Variants in SNTB1 observed in about 807,000 individuals in gnomAD.
SNTB1 encodes the protein syntrophin beta 1, also known as beta-1-syntrophin.
Under a neutral mutation model 48.9 loss-of-function variants are expected in SNTB1, and 36 were observed. That is an observed-to-expected ratio of 0.74 (90% confidence interval 0.56 to 0.97). The LOEUF (loss-of-function observed/expected upper bound fraction) is 0.97, where lower values mean the gene tolerates loss of function less well. Ranked by LOEUF, SNTB1 falls within the 50% of genes least tolerant of loss-of-function variation. SNTB1 has a pLI of 0.00. For missense variants in SNTB1, 786 were observed against 703.4 expected (o/e 1.12, Z -1.33); for synonymous variants, 299 against 294.6 (o/e 1.01, Z -0.15).
At chr8:120,770,885 T>C (rs1269861013) in intron 1 of SNTB1, among the ~76,000 whole-genome samples, 1 of 152,250 alleles carries the variant, frequency 6.6e-6, no homozygotes, top group East Asian at 1.9e-4. Context: ...GTGCTTATTT[T>C]CTTATGCAGT....
intron 1 of SNTB1, among the ~76,000 whole-genome samples, chr8:120,728,766 G>T (rs1044199687): frequency 1.3e-5 from 2 of 152,144 alleles, no homozygotes; most frequent in Non-Finnish European, 2.9e-5. Context: ...TTGATTCCAT[G>T]TCTTAGTTAT....
At chr8:120,707,832 T>A (rs376368326) in intron 1 of SNTB1, among the ~76,000 whole-genome samples, 1 of 152,132 alleles carries the variant, frequency 6.6e-6, no homozygotes, top group East Asian at 1.9e-4. Context: ...AGACATGAGC[T>A]AGATTATTGC....
intron 1 of SNTB1, among the ~76,000 whole-genome samples, chr8:120,742,500 C>T (rs1479558896): frequency 6.6e-6 from 1 of 152,186 alleles, no homozygotes; most frequent in Non-Finnish European, 1.5e-5. Flanking sequence ...GATCGAGTCA[C>T]AGGATGGCAC....
intron 2 of SNTB1, among the ~76,000 whole-genome samples, chr8:120,655,663 A>G (rs1192478679): frequency 2.6e-5 from 4 of 152,218 alleles, no homozygotes; most frequent in Non-Finnish European, 5.9e-5. Flanking sequence ...AACATATTTT[A>G]TGTTGGTTGC....
At chr8:120,666,049 T>C (rs1817668271) in intron 2 of SNTB1, among the ~76,000 whole-genome samples, 1 of 152,204 alleles carries the variant, frequency 6.6e-6, no homozygotes, top group Non-Finnish European at 1.5e-5. Flanking sequence ...CTGAGTCCCT[T>C]GTATTTCTAT....
intron 2 of SNTB1, among the ~76,000 whole-genome samples, chr8:120,666,061 T>G (rs1817668467): frequency 1.3e-5 from 2 of 152,236 alleles, no homozygotes; most frequent in South Asian, 4.1e-4. Flanking sequence ...TATTTCTATA[T>G]GAATTTTAGA....
In SNTB1 at chr8:120,632,600, G is replaced by C; in HGVS notation, c.840C>G (p.Ser280Arg). 6.2e-7 allele frequency: 1 copy of C among 1,614,140 alleles called. No individual in the cohort carries two copies. The highest frequency in any genetic ancestry group is 1.3e-5 in the African/African-American group (1 of 75,026). ...ATGCCTGGGCCGTGGCTGAGTCCTT[G>C]CTCCTTAGGATCACCGTGTGCTTAG... ...PDAKHTVILR[S>R]KDSATAQAWF... The change falls in exon 3 of 7, where the codon AGC becomes AGG. Residue 280 changes from serine (S) to arginine (R), a missense_variant. Transcript: ENST00000517992.
chr8:120,547,275 A>G (rs995581349), intron 5 of SNTB1, among the ~76,000 whole-genome samples: 6 of 152,182 alleles, frequency 3.9e-5, no homozygotes, highest in Non-Finnish European at 7.3e-5. Flanking sequence ...GCCTGAATCA[A>G]TTAATTGATT....
rs1041211512 is a variant in SNTB1, at chr8:120,617,997, AT to A, written c.996+14446del. On this transcript the variant is annotated intron_variant, in intron 3 of 6. Coordinates refer to ENST00000517992, the MANE Select transcript of SNTB1 (RefSeq NM_021021.4). ...CCTGAATATATGTATATATATATAT[AT>A]TTAGTGCTCTAGCCACCTAAGATTA... Among the ~76,000 whole-genome samples, 263 of 152,268 alleles carry A rather than the reference AT, an allele frequency of 1.7e-3. 2 individuals carry two copies. Among genetic ancestry groups the A allele is most frequent in the African/African-American group, 6.1e-3 (255 of 41,544 alleles).
chr8:120,692,703 A>G (rs1329054136), intron 2 of SNTB1, among the ~76,000 whole-genome samples: 1 of 152,198 alleles, frequency 6.6e-6, no homozygotes, highest in Non-Finnish European at 1.5e-5. Flanking sequence ...TCTTGAGCAT[A>G]AAGAGATGCT....
At chr8:120,722,135 T>A (rs1028572029) in intron 1 of SNTB1, among the ~76,000 whole-genome samples, 2 of 152,210 alleles carry the variant, frequency 1.3e-5, no homozygotes, top group Non-Finnish European at 2.9e-5. Context: ...ATCCAGTCTA[T>A]CATTGCTGGA....
At chr8:120,665,212 G>C (rs573923567) in intron 2 of SNTB1, among the ~76,000 whole-genome samples, 58 of 152,158 alleles carry the variant, frequency 3.8e-4, no homozygotes, top group Non-Finnish European at 6.0e-4. Context: ...AGTGCTTTGG[G>C]AGGCCGAGGT....
chr8:120,587,715 G>T (rs556536822), intron 3 of SNTB1, among the ~76,000 whole-genome samples: 3 of 152,156 alleles, frequency 2.0e-5, no homozygotes, highest in Non-Finnish European at 4.4e-5. Flanking sequence ...GACCTTCTTC[G>T]CTCACCCATG....
At chr8:120,683,387 G>A (rs533971615) in intron 2 of SNTB1, among the ~76,000 whole-genome samples, 1 of 151,756 alleles carries the variant, frequency 6.6e-6, no homozygotes, top group South Asian at 2.1e-4. Context: ...GGGTTTTCTA[G>A]ATAAAGTATA....
intron 3 of SNTB1, among the ~76,000 whole-genome samples, chr8:120,598,986 T>G (rs1420214353): frequency 6.6e-6 from 1 of 152,206 alleles, no homozygotes; most frequent in Non-Finnish European, 1.5e-5. Flanking sequence ...TATGTCTGCA[T>G]GGCAAGGTCT....
At chr8:120,587,090 G>A (rs1816156034) in intron 3 of SNTB1, among the ~76,000 whole-genome samples, 1 of 152,102 alleles carries the variant, frequency 6.6e-6, no homozygotes, top group Admixed American at 6.5e-5. Flanking sequence ...GCGTGGTAGC[G>A]CGTGCCTGTA....
At chr8:120,571,750 C>A (rs529310331) in intron 4 of SNTB1, among the ~76,000 whole-genome samples, 1 of 152,000 alleles carries the variant, frequency 6.6e-6, no homozygotes, top group Non-Finnish European at 1.5e-5. Flanking sequence ...CTGCCCTCCT[C>A]GGCCTCCCAG....
intron 3 of SNTB1, among the ~76,000 whole-genome samples, chr8:120,614,800 C>G (rs1816685832): frequency 6.6e-6 from 1 of 151,594 alleles, no homozygotes; most frequent in African/African-American, 2.4e-5. Flanking sequence ...TTTTTTCCAC[C>G]TCTAGATTGC....
intron 1 of SNTB1, among the ~76,000 whole-genome samples, chr8:120,758,652 C>T (rs1379786387): frequency 6.6e-6 from 1 of 152,072 alleles, no homozygotes; most frequent in African/African-American, 2.4e-5. Flanking sequence ...TACCTGTTTC[C>T]AGGCCAAACC....
Sources: gnomAD v4.1 joint callset for allele counts (sites outside exome capture counted in the v4.1 genomes callset) on GRCh38, gnomAD v4.1.1 for gene constraint, MANE v1.5 for transcripts, NCBI Gene and HGNC (gene_info 2026-07-23, HGNC 2026-07-21) for gene names.